Variants in ARMCX1 observed in about 807,000 individuals in gnomAD.
The protein encoded by ARMCX1 is armadillo repeat containing X-linked 1, also known as armadillo repeat-containing X-linked protein 1.
In ARMCX1, 4 loss-of-function variants were observed where a neutral mutation model predicts 15.4. The ratio of observed to expected loss-of-function variants is 0.26; its 90% confidence interval spans 0.13 to 0.59. The LOEUF is 0.59. Among genes scored for constraint, ARMCX1 ranks in the 20% least tolerant of loss-of-function variants. ARMCX1 has a pLI of 0.89. For synonymous variants in ARMCX1, 144 were observed against 130.5 expected (o/e 1.10, Z -0.71); for missense variants, 273 against 337.1 (o/e 0.81, Z 1.49).
chrX:101,552,759 C>A, intron 3 of ARMCX1, 50 bp from the exon 4 acceptor site: 1 of 473,402 alleles, frequency 2.1e-6, no homozygotes. Flanking sequence ...TGTTTGCGTT[C>A]AAAGACACAA....
chrX:101,553,413 C>T lies in ARMCX1; in HGVS notation c.483C>T (p.Ala161=). 4 of 1,193,179 alleles carry T rather than the reference C, an allele frequency of 3.4e-6. No individual in the cohort carries two copies. The highest frequency in any genetic ancestry group is 4.5e-6 in the Non-Finnish European group (4 of 886,647). ...GCHPTRSGSR[A]GGRASGKSKG... ...ACCCCACCAGGAGTGGATCTAGGGC[C>T]GGGGGCAGGGCAAGTGGAAAATCCA... Residue 161 remains alanine (A), a synonymous_variant, in exon 4 of 4, where the codon GCC becomes GCT. Transcript: ENST00000372829.
At position 101,553,256 on chromosome X, in the gene ARMCX1, A is replaced by T. The variant is rs1556027338; in HGVS notation, c.326A>T (p.Lys109Met). Reference protein sequence around the residue: ...HSGGGLEAKAKALFNTLKEQA... With the variant: ...HSGGGLEAKAMALFNTLKEQA... ...GGAGGTGGCCTAGAGGCCAAGGCCA[A>T]GGCCCTTTTCAACACGCTGAAGGAA... Residue 109 changes from lysine (K) to methionine (M), a missense_variant, in exon 4 of 4, where the codon AAG (lysine) becomes ATG (methionine). Physicochemically the swap from Lys to Met is moderately conservative, Grantham distance 95. This residue lies in a region of ARMCX1 where 147 missense variants were observed against 143.5 expected (regional missense o/e 1.02). Coordinates refer to ENST00000372829, the MANE Select transcript of ARMCX1 (RefSeq NM_016608.2). The T allele has an allele frequency of 8.2e-7, 1 of 1,212,188 alleles. No homozygotes were observed. Among genetic ancestry groups the T allele is most frequent in the Non-Finnish European group, 1.1e-6 (1 of 895,620 alleles).
Position 101,554,604 on chromosome X carries a change from TCATG to T in ARMCX1, c.*316_*319del, listed in dbSNP as rs1422408612. On this transcript the variant is annotated 3_prime_UTR_variant, in exon 4 of 4. Coordinates refer to ENST00000372829, the MANE Select transcript of ARMCX1 (RefSeq NM_016608.2). ...AAACTGACAATGAATTGGTTATACA[TCATG>T]CATAAGCTACACTTTTATATTAGTT... 2.2e-5 allele frequency: 4 copies of T among 184,167 alleles called. No individual in the cohort carries two copies. Among genetic ancestry groups the T allele is most frequent in the Non-Finnish European group, 4.3e-5 (4 of 93,948 alleles). The allele number at this position is 184,167 out of a possible 1,213,427, so 15.2% of individuals were successfully genotyped here.
At chrX:101,551,909 C>A (rs1390080760) in intron 3 of ARMCX1, among the ~76,000 whole-genome samples, 1 of 105,534 alleles carries the variant, frequency 9.5e-6, no homozygotes, top group Non-Finnish European at 1.9e-5. Context: ...ACCAAGCACT[C>A]ACTTCTGAAG....
rs782265297 is a variant in ARMCX1, at chrX:101,552,963, C to A, written c.33C>A (p.Ala11=). 1 of 1,209,242 alleles carries A rather than the reference C, an allele frequency of 8.3e-7. No homozygotes were observed. The highest frequency in any genetic ancestry group is 1.7e-5 in the African/African-American group (1 of 57,218). The change falls in exon 4 of 4, where the codon GCC becomes GCA. Residue 11 remains alanine (A), a synonymous_variant. Transcript: ENST00000372829. MGRTREAGCV[A]AGVVIGAGAC... ...GCACTCGGGAAGCTGGCTGCGTGGC[C>A]GCTGGTGTGGTTATCGGGGCTGGTG...
Position 101,553,129 on chromosome X carries a change from G to T in ARMCX1, c.199G>T (p.Gly67Trp). Residue 67 changes from glycine to tryptophan, a missense_variant, in exon 4 of 4, where the codon GGG becomes TGG. Coordinates refer to ENST00000372829, the MANE Select transcript of ARMCX1 (RefSeq NM_016608.2). ...TAAAACTAACGCTGGGGCAGGGTCT[G>T]GGGCCAAACTTCAGGGTGATTCAGA... ...GAKTNAGAGS[G>W]AKLQGDSEVK... is the part of the protein sequence containing the mutation. 8.3e-7 allele frequency: 1 copy of T among 1,211,774 alleles called. No individual in the cohort carries two copies. The highest frequency in any genetic ancestry group is 1.1e-6 in the Non-Finnish European group (1 of 895,421).
rs1935401192 is a variant in ARMCX1, at chrX:101,553,183, G to A, written c.253G>A (p.Glu85Lys). The change falls in exon 4 of 4, where the codon GAG becomes AAG. Residue 85 changes from glutamate (E) to lysine (K), a missense_variant. Glu to Lys is a moderately conservative substitution (Grantham distance 56). This residue lies in a region of ARMCX1 where 147 missense variants were observed against 143.5 expected (regional missense o/e 1.02). Transcript: ENST00000372829. ...EVKPEVSLGL[E>K]DCPGVKEKAH... ...CAAGCCTGAGGTGAGTTTGGGACTC[G>A]AGGATTGTCCGGGTGTAAAAGAGAA... 2 of 1,212,046 alleles carry A rather than the reference G, an allele frequency of 1.7e-6. No homozygotes were observed. The highest frequency in any genetic ancestry group is 2.2e-6 in the Non-Finnish European group (2 of 895,556).
In ARMCX1 at chrX:101,554,493, A is replaced by G. The variant is rs1404547670; in HGVS notation, c.*201A>G. 2.5e-5 allele frequency: 9 copies of G among 362,128 alleles called. No individual in the cohort carries two copies. The highest frequency in any genetic ancestry group is 3.8e-5 in the Non-Finnish European group (8 of 208,562). 29.8% of individuals were successfully genotyped at this position (362,128 alleles called of 1,213,427 possible). On this transcript the variant is annotated 3_prime_UTR_variant, in exon 4 of 4. Transcript: ENST00000372829. ...GGATGAACCATTTTAAGGATGCCAA[A>G]TGAAATATTAGTATTTGTACACAGA...
Position 101,553,786 on chromosome X carries a change from A to G in ARMCX1, c.856A>G (p.Thr286Ala), listed in dbSNP as rs782332356. ...CGCAGAAAATCAGGGCAAGATTAAG[A>G]CGTACATCAGTCAAGTGTGTGATGA... is the stretch of plus-strand genomic sequence containing the variant. ...VNAENQGKIK[T>A]YISQVCDDTM... Residue 286 changes from threonine (T) to alanine (A), a missense_variant, in exon 4 of 4, where the codon ACG becomes GCG. Transcript: ENST00000372829. The G allele has an allele frequency of 8.2e-5, 99 of 1,210,150 alleles. No individual in the cohort carries two copies. Among genetic ancestry groups the G allele is most frequent in the Non-Finnish European group, 1.1e-4 (95 of 895,290 alleles).
Position 101,553,386 on chromosome X carries a change from C to T in ARMCX1, c.456C>T (p.Cys152=), listed in dbSNP as rs1556027373. Residue 152 remains cysteine (C), a synonymous_variant, in exon 4 of 4, where the codon TGC becomes TGT. Coordinates refer to ENST00000372829, the MANE Select transcript of ARMCX1 (RefSeq NM_016608.2). ...LPCPGGRGGG[C]HPTRSGSRAG... ...GCCCAGGAGGCAGGGGTGGAGGCTG[C>T]CACCCCACCAGGAGTGGATCTAGGG... 1 of 1,186,810 alleles carries T rather than the reference C, an allele frequency of 8.4e-7. No homozygotes were observed. The highest frequency in any genetic ancestry group is 2.4e-5 in the Admixed American group (1 of 42,551).
At chrX:101,552,725 G>T in intron 3 of ARMCX1, 84 bp from the exon 4 acceptor site, 1 of 398,001 alleles carries the variant, frequency 2.5e-6, no homozygotes, top group Non-Finnish European at 4.3e-6. Flanking sequence ...TTGTACGTTT[G>T]TTTGTTTTGT....
chrX:101,553,670 G>T lies in ARMCX1; in HGVS notation c.740G>T (p.Gly247Val). 1 of 1,211,627 alleles carries T rather than the reference G, an allele frequency of 8.3e-7. No homozygotes were observed. Among genetic ancestry groups the T allele is most frequent in the African/African-American group, 1.7e-5 (1 of 57,757 alleles). Residue 247 changes from glycine to valine, a missense_variant, in exon 4 of 4, where the codon GGT (glycine) becomes GTT (valine). Gly to Val is a moderately radical substitution (Grantham distance 109). Around this residue, in one of 2 missense-constraint regions of ARMCX1, gnomAD observed 126 missense variants for 193.6 expected, o/e 0.65. Transcript: ENST00000372829. ...AACCAGAATGCCATACGTGAATTGG[G>T]TGGTGTCCCAATTATTGCAAAACTG... Reference protein sequence around the residue: ...SFNQNAIRELGGVPIIAKLIK... With the variant: ...SFNQNAIRELVGVPIIAKLIK...
In ARMCX1 at chrX:101,553,177, G is replaced by A; in HGVS notation, c.247G>A (p.Gly83Arg). 3 of 1,211,981 alleles carry A rather than the reference G, an allele frequency of 2.5e-6. No homozygotes were observed. The highest frequency in any genetic ancestry group is 3.3e-6 in the Non-Finnish European group (3 of 895,547). The change falls in exon 4 of 4, where the codon GGA (glycine) becomes AGA (arginine). Residue 83 changes from glycine (G) to arginine (R), a missense_variant. By Grantham distance (125) the Gly-to-Arg change is moderately radical (BLOSUM62 -2). Around this residue, in one of 2 missense-constraint regions of ARMCX1, gnomAD observed 147 missense variants for 143.5 expected, o/e 1.02. Coordinates refer to ENST00000372829, the MANE Select transcript of ARMCX1 (RefSeq NM_016608.2). Reference sequence around the variant, plus strand: ...AGAGGTCAAGCCTGAGGTGAGTTTGGGACTCGAGGATTGTCCGGGTGTAAA... The same window carrying A: ...AGAGGTCAAGCCTGAGGTGAGTTTGAGACTCGAGGATTGTCCGGGTGTAAA... ...DSEVKPEVSLGLEDCPGVKEK... is the reference protein window; with the variant it reads ...DSEVKPEVSLRLEDCPGVKEK...
rs193025407 is a variant in ARMCX1, at chrX:101,554,373, G to A, written c.*81G>A. 29 of 960,136 alleles carry A rather than the reference G, an allele frequency of 3.0e-5. No homozygotes were observed. The highest frequency in any genetic ancestry group is 3.8e-5 in the Non-Finnish European group (27 of 705,854). 79.1% of individuals were successfully genotyped at this position (960,136 alleles called of 1,213,427 possible). A position where few individuals can be genotyped will look rare whatever the true frequency, so the allele number is the denominator to read the frequency against. The stretch of plus-strand genomic sequence containing the variant: ...GTAAATTCTTTGTTTTTCATTGTGC[G>A]TATATGGTAAAGAGATCTTTTCAGC... On this transcript the variant is annotated 3_prime_UTR_variant, in exon 4 of 4. Transcript: ENST00000372829.
At position 101,553,599 on chromosome X, in the gene ARMCX1, A is replaced by G. The variant is rs141214930; in HGVS notation, c.669A>G (p.Gln223=). The G allele has an allele frequency of 1.5e-5, 18 of 1,210,154 alleles. No individual in the cohort carries two copies. In the African/African-American group the frequency reaches 3.1e-4, roughly 21 times the overall value. Residue 223 remains glutamine, a synonymous_variant, in exon 4 of 4, where the codon CAA becomes CAG. Transcript: ENST00000372829. The stretch of plus-strand genomic sequence containing the variant: ...AGCGAACAAATGATCCTTTTATTCA[A>G]GAAGTAGCCTTGGTCACTCTGGGTA... ...ILERTNDPFI[Q]EVALVTLGNN... is the part of the protein sequence containing the mutation.
Position 101,553,086 on chromosome X carries a change from T to G in ARMCX1, c.156T>G (p.Val52=), listed in dbSNP as rs1556027286. 1.7e-6 allele frequency: 2 copies of G among 1,211,349 alleles called. No homozygotes were observed. The highest frequency in any genetic ancestry group is 3.5e-5 in the South Asian group (2 of 56,934). ...CTACGGACACCTCAGAGATTGGGGTTGAGACTGTGAAAGGAGCTAAAACTA... is the reference window on the plus strand; with the variant it reads ...CTACGGACACCTCAGAGATTGGGGTGGAGACTGTGAAAGGAGCTAAAACTA... ...EESTDTSEIG[V]ETVKGAKTNA... The change falls in exon 4 of 4, where the codon GTT becomes GTG. Residue 52 remains valine, a synonymous_variant. Coordinates refer to ENST00000372829, the MANE Select transcript of ARMCX1 (RefSeq NM_016608.2).
In ARMCX1 at chrX:101,553,065, G is replaced by A. The variant is rs1935399445; in HGVS notation, c.135G>A (p.Thr45=). The A allele has an allele frequency of 5.8e-6, 7 of 1,211,558 alleles. No homozygotes were observed. The highest frequency in any genetic ancestry group is 7.8e-6 in the Non-Finnish European group (7 of 895,472). Residue 45 remains threonine, a synonymous_variant, in exon 4 of 4, where the codon ACG becomes ACA. Transcript: ENST00000372829. The part of the protein sequence containing the change: ...EKIWDEDEES[T]DTSEIGVETV... ...TCTGGGACGAAGACGAGGAGTCTACGGACACCTCAGAGATTGGGGTTGAGA... is the reference window on the plus strand; with the variant it reads ...TCTGGGACGAAGACGAGGAGTCTACAGACACCTCAGAGATTGGGGTTGAGA...
In ARMCX1 at chrX:101,553,491, C is replaced by T; in HGVS notation, c.561C>T (p.Val187=). Residue 187 remains valine (V), a synonymous_variant, in exon 4 of 4, where the codon GTC becomes GTT. Coordinates refer to ENST00000372829, the MANE Select transcript of ARMCX1 (RefSeq NM_016608.2). The part of the protein sequence containing the change: ...STRAPATTWP[V]RRGKFNFPYK... ...GGGCTCCAGCTACAACATGGCCTGT[C>T]CGGAGAGGCAAGTTCAACTTTCCTT... is the stretch of plus-strand genomic sequence containing the variant. 8.3e-7 allele frequency: 1 copy of T among 1,211,001 alleles called. No individual in the cohort carries two copies. Among genetic ancestry groups the T allele is most frequent in the South Asian group, 1.8e-5 (1 of 56,809 alleles).
In ARMCX1 at chrX:101,552,870, T is replaced by C. The variant is rs1935396480; in HGVS notation, c.-61T>C. Reference sequence around the variant, plus strand: ...GACTCCGCCCGCGACGTGTGCGCGCTTCTCTGGGCCAGAGCGAGCCTGTTT... The same window carrying C: ...GACTCCGCCCGCGACGTGTGCGCGCCTCTCTGGGCCAGAGCGAGCCTGTTT... On this transcript the variant is annotated 5_prime_UTR_variant, in exon 4 of 4. Coordinates refer to ENST00000372829, the MANE Select transcript of ARMCX1 (RefSeq NM_016608.2). 19 of 1,150,960 alleles carry C rather than the reference T, an allele frequency of 1.7e-5. No homozygotes were observed. The South Asian group carries it at 3.5e-4, about 21-fold the overall frequency. The allele number at this position is 1,150,960 out of a possible 1,213,427, so 94.9% of individuals were successfully genotyped here.
Sources: gnomAD v4.1 joint callset for allele counts (sites outside exome capture counted in the v4.1 genomes callset) on GRCh38, gnomAD v4.1.1 for gene constraint, gnomAD v4.1.1 regional missense constraint, MANE v1.5 for transcripts, NCBI Gene and HGNC (gene_info 2026-07-23, HGNC 2026-07-21) for gene names.